The following TEX19 variants were observed in gnomAD, a reference collection of about 807,000 sequenced individuals.
The protein encoded by TEX19 is testis-expressed protein 19.
For missense variants in TEX19, 184 were observed against 194.4 expected (o/e 0.95, Z 0.32); for synonymous variants, 77 against 73.9 (o/e 1.04, Z -0.21).
At chr17:82,359,835 T>A (rs865911726) in intron 1 of TEX19, among the ~76,000 whole-genome samples, 2,738 of 96,084 alleles carry the variant, frequency 0.028, 3 homozygotes, top group Non-Finnish European at 0.037. Context: ...GTTCCCCCAG[T>A]TTCCCTCAAG....
intron 1 of TEX19, 97 bp from the exon 2 acceptor site, chr17:82,361,783 A>C: frequency 9.3e-7 from 1 of 1,079,712 alleles, no homozygotes; most frequent in Non-Finnish European, 1.1e-6. Context: ...CTAAAGGGCC[A>C]GTCTGAACCC....
chr17:82,359,935 AAGTTTCCCTCAG>A, intron 1 of TEX19, among the ~76,000 whole-genome samples: 1 of 73,640 alleles, frequency 1.4e-5, no homozygotes, highest in Non-Finnish European at 2.6e-5. Context: ...AGTTTCCCTC[AAGTTTCCCTCAG>A]GTTCCCCCAG....
chr17:82,359,496 AAGTTTCCCTC>A (rs201118824), intron 1 of TEX19, among the ~76,000 whole-genome samples: 5 of 131,720 alleles, frequency 3.8e-5, no homozygotes, highest in South Asian at 5.1e-4. Context: ...AGTTTCCCTC[AAGTTTCCCTC>A]AGTTTCCCTC....
chr17:82,360,342 G>T (rs1293519505), intron 1 of TEX19, among the ~76,000 whole-genome samples: 1 of 70,600 alleles, frequency 1.4e-5, no homozygotes, highest in Non-Finnish European at 2.7e-5. Flanking sequence ...TTTCCCTCAG[G>T]TTCCCCCAGT....
chr17:82,361,579 G>T (rs1394328660), intron 1 of TEX19: 1 of 978,222 alleles, frequency 1.0e-6, no homozygotes, highest in African/African-American at 1.8e-5. Flanking sequence ...GTTTCCTTCA[G>T]GTTCCCTCAA....
Position 82,362,415 on chromosome 17 carries a change from C to A in TEX19, c.265C>A (p.Gln89Lys). 4 of 1,613,008 alleles carry A rather than the reference C, an allele frequency of 2.5e-6. No homozygotes were observed. The highest frequency in any genetic ancestry group is 3.4e-6 in the Non-Finnish European group (4 of 1,179,954). Residue 89 changes from glutamine to lysine, a missense_variant, in exon 2 of 2, where the codon CAG (glutamine) becomes AAG (lysine). Coordinates refer to ENST00000333437, the MANE Select transcript of TEX19 (RefSeq NM_207459.4). The surrounding 1 kb of genome is among the most constrained non-coding windows in gnomAD (Gnocchi z 5.5). ...GCTGAGCTGGGGGCAGAGCCCAGGA[C>A]AGCCTGTGCAGGGGGGCTCTGAGGC... ...MELSWGQSPG[Q>K]PVQGGSEAWG... is the part of the protein sequence containing the mutation.
rs143841873 is a variant in TEX19, at chr17:82,362,173, G to T, written c.23G>T (p.Arg8Leu). Residue 8 changes from arginine (R) to leucine (L), a missense_variant, in exon 2 of 2, where the codon CGG (arginine) becomes CTG (leucine). Transcript: ENST00000333437. This position sits in a 1 kb window ranked among gnomAD's most constrained non-coding sequence, Gnocchi z 5.5. MCPPVSMRYEEEGMSYLY... is the reference protein window; with the variant it reads MCPPVSMLYEEEGMSYLY... ...GCCATGTGCCCTCCGGTCAGCATGCGGTATGAGGAAGAGGGCATGTCCTAC... is the reference window on the plus strand; with the variant it reads ...GCCATGTGCCCTCCGGTCAGCATGCTGTATGAGGAAGAGGGCATGTCCTAC... 1.2e-6 allele frequency: 2 copies of T among 1,611,482 alleles called. No individual in the cohort carries two copies. Among genetic ancestry groups the T allele is most frequent in the Admixed American group, 3.3e-5 (2 of 59,974 alleles).
Position 82,362,074 on chromosome 17 carries a change from C to G in TEX19, c.-77C>G. The G allele has an allele frequency of 6.5e-7, 1 of 1,531,748 alleles. No individual in the cohort carries two copies. Among genetic ancestry groups the G allele is most frequent in the Non-Finnish European group, 8.7e-7 (1 of 1,144,936 alleles). The allele number at this position is 1,531,748 out of a possible 1,614,324, so 94.9% of individuals were successfully genotyped here. A position where few individuals can be genotyped will look rare whatever the true frequency, so the allele number is the denominator to read the frequency against. ...CCCAGCATCCTACTGGCCTCAGCAC[C>G]TGTGGCCAGACCGTCCAAGATCCTC... On this transcript the variant is annotated 5_prime_UTR_variant, in exon 2 of 2. Coordinates refer to ENST00000333437, the MANE Select transcript of TEX19 (RefSeq NM_207459.4). The surrounding 1 kb of genome is among the most constrained non-coding windows in gnomAD (Gnocchi z 5.5).
chr17:82,362,200 T>C lies in TEX19; in HGVS notation c.50T>C (p.Leu17Pro). Residue 17 changes from leucine to proline, a missense_variant, in exon 2 of 2, where the codon CTC becomes CCC. Physicochemically the swap from Leu to Pro is moderately conservative, Grantham distance 98 (BLOSUM62 -3). Coordinates refer to ENST00000333437, the MANE Select transcript of TEX19 (RefSeq NM_207459.4). The surrounding 1 kb of genome is among the most constrained non-coding windows in gnomAD (Gnocchi z 5.5). ...MRYEEEGMSY[L>P]YASWMYQLQH... ...TATGAGGAAGAGGGCATGTCCTACC[T>C]CTACGCCTCCTGGATGTATCAGCTT... The C allele has an allele frequency of 6.2e-7, 1 of 1,613,544 alleles. No individual in the cohort carries two copies. The highest frequency in any genetic ancestry group is 8.5e-7 in the Non-Finnish European group (1 of 1,179,980).
chr17:82,359,476 AGGTTCCCTC>A (rs1246337123), intron 1 of TEX19, among the ~76,000 whole-genome samples, 191 bp downstream of exon 1: 9 of 139,362 alleles, frequency 6.5e-5, no homozygotes, highest in Non-Finnish European at 9.5e-5. Context: ...AGTTTCCCTC[AGGTTCCCTC>A]AGTTTCCCTC....
At position 82,363,267 on chromosome 17, in the gene TEX19, G is replaced by A; in HGVS notation, c.*622G>A. The stretch of plus-strand genomic sequence containing the variant: ...GGCACACCAGGACATCAGAGACTGG[G>A]AAGGGCCAGCAATTGCTGTTCCACA... On this transcript the variant is annotated 3_prime_UTR_variant, in exon 2 of 2. Transcript: ENST00000333437. 1 of 167,120 alleles carries A rather than the reference G, an allele frequency of 6.0e-6. No homozygotes were observed. The allele number at this position is 167,120 out of a possible 1,614,324, so 10.4% of individuals were successfully genotyped here.
chr17:82,360,229 A>C (rs1205683898), intron 1 of TEX19, among the ~76,000 whole-genome samples: 10 of 22,260 alleles, frequency 4.5e-4, no homozygotes, highest in African/African-American at 8.7e-4. Context: ...AGTTTCCCTC[A>C]AGTTTCCCTC....
chr17:82,360,857 G>T (rs2052383097), intron 1 of TEX19, among the ~76,000 whole-genome samples: 1 of 133,488 alleles, frequency 7.5e-6, no homozygotes. Context: ...GTTTCCCTCA[G>T]GTTCCCCCAG....
rs985235265 is a variant in TEX19 at position 82,363,081 on chromosome 17, C to T, written c.*436C>T. On this transcript the variant is annotated 3_prime_UTR_variant, in exon 2 of 2. Transcript: ENST00000333437. ...CAGCCTGTAAGCCACAGTCCTCCAG[C>T]CAAGAACAGGATCTCAGCACCCCTG... is the stretch of plus-strand genomic sequence containing the variant. The T allele has an allele frequency of 1.2e-5, 2 of 171,228 alleles. No homozygotes were observed. The highest frequency in any genetic ancestry group is 4.8e-5 in the African/African-American group (2 of 41,518). 10.6% of individuals were successfully genotyped at this position (171,228 alleles called of 1,614,324 possible).
In TEX19 at chr17:82,359,539, G is replaced by T. The variant is rs1254222446; in HGVS notation, c.-272+254G>T. The stretch of plus-strand genomic sequence containing the variant: ...CTCAGGTTCCCTCAGTTTCCCTCAG[G>T]TTCCCTCAGTTTCCCTCAAGTTTCC... On this transcript the variant is annotated intron_variant, in intron 1 of 1. Transcript: ENST00000333437. 5.5e-4 allele frequency among the ~76,000 whole-genome samples: 55 copies of T among 100,574 alleles called. 2 individuals are homozygous for T. Among genetic ancestry groups the T allele is most frequent in the Non-Finnish European group, 8.6e-4 (41 of 47,934 alleles). 66.0% of individuals were successfully genotyped at this position (100,574 alleles called of 152,430 possible).
chr17:82,360,886 A>C (rs1487027394), intron 1 of TEX19, among the ~76,000 whole-genome samples: 13 of 116,458 alleles, frequency 1.1e-4, no homozygotes, highest in African/African-American at 4.6e-4. Flanking sequence ...AGGTTCCCTC[A>C]GTTTCCCCCA....
chr17:82,361,713 C>G (rs1038420378), intron 1 of TEX19, 167 bp from the exon 2 acceptor site: 1 of 985,204 alleles, frequency 1.0e-6, no homozygotes, highest in African/African-American at 1.7e-5. Context: ...CCGGGGAGGT[C>G]GGATGGAGGA....
chr17:82,361,460 G>C (rs1457408489), intron 1 of TEX19, among the ~76,000 whole-genome samples: 1 of 127,614 alleles, frequency 7.8e-6, no homozygotes, highest in Non-Finnish European at 1.6e-5. Flanking sequence ...TTTCCCTCAG[G>C]TTCCCTCAGT....
Position 82,362,070 on chromosome 17 carries a change from GCA to G in TEX19, c.-79_-78del. The G allele has an allele frequency of 6.6e-7, 1 of 1,519,396 alleles. No homozygotes were observed. The highest frequency in any genetic ancestry group is 2.3e-5 in the East Asian group (1 of 44,296). The allele number at this position is 1,519,396 out of a possible 1,614,324, so 94.1% of individuals were successfully genotyped here. A position where few individuals can be genotyped will look rare whatever the true frequency, so the allele number is the denominator to read the frequency against. On this transcript the variant is annotated 5_prime_UTR_variant, in exon 2 of 2. Transcript: ENST00000333437. This position sits in a 1 kb window ranked among gnomAD's most constrained non-coding sequence, Gnocchi z 5.5. Reference sequence around the variant, plus strand: ...GCCGCCCAGCATCCTACTGGCCTCAGCACCTGTGGCCAGACCGTCCAAGATCC... The same window carrying G: ...GCCGCCCAGCATCCTACTGGCCTCAGCCTGTGGCCAGACCGTCCAAGATCC...
Sources: gnomAD v4.1 joint callset for allele counts (sites outside exome capture counted in the v4.1 genomes callset) on GRCh38, gnomAD v4.1.1 for gene constraint, Gnocchi (gnomAD v3.1) non-coding constraint, MANE v1.5 for transcripts, NCBI Gene and HGNC (gene_info 2026-07-23, HGNC 2026-07-21) for gene names.